CNTN4: variants seen among roughly 807,000 people sequenced by gnomAD.
The protein encoded by CNTN4 is contactin-4.
Under a neutral mutation model 122.5 loss-of-function variants are expected in CNTN4, and 77 were observed. That is an observed-to-expected ratio of 0.63 (90% confidence interval 0.52 to 0.76). The LOEUF (loss-of-function observed/expected upper bound fraction) is 0.76, where lower values mean the gene tolerates loss of function less well. Among genes scored for constraint, CNTN4 ranks in the 30% least tolerant of loss-of-function variants. The pLI, the probability that CNTN4 is intolerant of heterozygous loss-of-function variation, is 0.00. For missense variants in CNTN4, 1,256 were observed against 1,259.1 expected, an observed-to-expected ratio of 1.00 and a Z score of 0.04; for synonymous variants, 512 against 447.0, an observed-to-expected ratio of 1.15 and a Z score of -1.83.
At chr3:3,018,030 A>C (rs188092489) in intron 14 of CNTN4, among the ~76,000 whole-genome samples, 41 of 152,368 alleles carry the variant, frequency 2.7e-4, no homozygotes, top group Non-Finnish European at 1.0e-4. Context: ...GGAACAGAAC[A>C]AACTGGAAAC....
chr3:2,633,122 A>G (rs954495819), intron 4 of CNTN4, among the ~76,000 whole-genome samples: 3 of 152,138 alleles, frequency 2.0e-5, no homozygotes, highest in African/African-American at 7.2e-5. Context: ...CTATATTCCA[A>G]AGAATTATTT....
chr3:2,344,296 G>A (rs1353051044), intron 3 of CNTN4, among the ~76,000 whole-genome samples: 2 of 116,510 alleles, frequency 1.7e-5, no homozygotes, highest in African/African-American at 3.4e-5. Flanking sequence ...TTTTTTTTTA[G>A]ATGGCATCTA....
intron 3 of CNTN4, among the ~76,000 whole-genome samples, chr3:2,367,739 C>T (rs1313493324): frequency 6.6e-6 from 1 of 152,128 alleles, no homozygotes; most frequent in Non-Finnish European, 1.5e-5. Flanking sequence ...CCTGCCTGGG[C>T]CTCCCAAAGT....
At chr3:2,891,417 A>G (rs1243342724) in intron 10 of CNTN4, among the ~76,000 whole-genome samples, 1 of 152,196 alleles carries the variant, frequency 6.6e-6, no homozygotes, top group Non-Finnish European at 1.5e-5. Context: ...ACTGCACTCC[A>G]GCCTGGGCAA....
intron 4 of CNTN4, among the ~76,000 whole-genome samples, chr3:2,600,902 G>A (rs1460578972): frequency 2.6e-5 from 4 of 152,188 alleles, no homozygotes; most frequent in Non-Finnish European, 4.4e-5. Flanking sequence ...TCTAACTGGT[G>A]TGAGATGGTA....
chr3:2,641,517 C>G (rs1327036445), intron 4 of CNTN4, among the ~76,000 whole-genome samples: 1 of 152,142 alleles, frequency 6.6e-6, no homozygotes, highest in Non-Finnish European at 1.5e-5. Context: ...TGGAGAATGA[C>G]AAGTTCATCA....
At chr3:2,378,822 G>C (rs972197825) in intron 3 of CNTN4, among the ~76,000 whole-genome samples, 6 of 151,912 alleles carry the variant, frequency 3.9e-5, no homozygotes, top group Admixed American at 3.9e-4. Flanking sequence ...AGGAAGAGGA[G>C]AATTTGTGTT....
intron 23 of CNTN4, among the ~76,000 whole-genome samples, chr3:3,051,610 T>A (rs1283790674): frequency 1.3e-5 from 2 of 152,142 alleles, no homozygotes; most frequent in African/African-American, 4.8e-5. Flanking sequence ...TGCCTGAGGA[T>A]TTATCTGTGC....
chr3:2,607,399 CA>C (rs1306582386), intron 4 of CNTN4, among the ~76,000 whole-genome samples: 3 of 151,432 alleles, frequency 2.0e-5, no homozygotes, highest in Non-Finnish European at 4.4e-5. Flanking sequence ...ACTGTCCATA[CA>C]AAAAGGGAAT....
chr3:2,143,030 A>G (rs2035075085), intron 2 of CNTN4, among the ~76,000 whole-genome samples: 1 of 152,162 alleles, frequency 6.6e-6, no homozygotes, highest in Non-Finnish European at 1.5e-5. Context: ...TCATGCTTTG[A>G]GCCTTCATTA....
At chr3:2,909,095 C>T (rs1007427757) in intron 12 of CNTN4, among the ~76,000 whole-genome samples, 11 of 152,324 alleles carry the variant, frequency 7.2e-5, no homozygotes, top group African/African-American at 1.4e-4. Context: ...CACAAGTGCT[C>T]ATCTGCATCT....
chr3:3,012,508 G>T (rs926281024), intron 14 of CNTN4, among the ~76,000 whole-genome samples: 27 of 151,754 alleles, frequency 1.8e-4, no homozygotes, highest in Non-Finnish European at 2.9e-5. Flanking sequence ...GGAGTGCAAT[G>T]GCGTGATCTC....
At position 3,015,527 on chromosome 3, in the gene CNTN4, G is replaced by A. The variant is rs150735737; in HGVS notation, c.1487-10575G>A. 4.5e-3 allele frequency among the ~76,000 whole-genome samples: 685 copies of A among 152,280 alleles called. 4 individuals carry two copies. The highest frequency in any genetic ancestry group is 0.016 in the African/African-American group (650 of 41,552). ...CATCTCAAATCTATAAGCAAACAAA[G>A]AAGTACTGCTTTAGAATATGCGAAT... is the stretch of plus-strand genomic sequence containing the variant. On this transcript the variant is annotated intron_variant, in intron 14 of 24. Transcript: ENST00000418658.
chr3:2,317,100 C>T (rs2043129809), intron 2 of CNTN4, among the ~76,000 whole-genome samples: 1 of 152,224 alleles, frequency 6.6e-6, no homozygotes, highest in Admixed American at 6.5e-5. Context: ...ACTATCAATA[C>T]TACCTATTTT....
In CNTN4 at chr3:2,724,195, C is replaced by G. The variant is rs150466340; in HGVS notation, c.56-12020C>G. 1.7e-3 allele frequency among the ~76,000 whole-genome samples: 260 copies of G among 152,212 alleles called. 1 individual carries two copies. Among genetic ancestry groups the G allele is most frequent in the African/African-American group, 5.8e-3 (242 of 41,528 alleles). ...GTTGAATGATTATGGCTTTGTTTAT[C>G]CTTCTCTGACAGGACTTTCTAGTTT... is the stretch of plus-strand genomic sequence containing the variant. On this transcript the variant is annotated intron_variant, in intron 4 of 24. Transcript: ENST00000418658.
intron 13 of CNTN4, among the ~76,000 whole-genome samples, chr3:2,949,802 G>A (rs2094719202): frequency 6.6e-6 from 1 of 152,090 alleles, no homozygotes; most frequent in African/African-American, 2.4e-5. Flanking sequence ...ACAGACTTTG[G>A]TCTATTTTAG....
chr3:2,256,124 A>G (rs2040580440), intron 2 of CNTN4, among the ~76,000 whole-genome samples: 1 of 152,228 alleles, frequency 6.6e-6, no homozygotes, highest in Non-Finnish European at 1.5e-5. Flanking sequence ...CACTGATCCC[A>G]TAGAAATGCA....
chr3:2,387,035 G>A (rs936224372), intron 3 of CNTN4, among the ~76,000 whole-genome samples: 7 of 152,132 alleles, frequency 4.6e-5, no homozygotes, highest in African/African-American at 1.7e-4. Context: ...TTTTGAACTT[G>A]CTAACCATAA....
At chr3:2,674,891 A>G (rs368522045) in intron 4 of CNTN4, among the ~76,000 whole-genome samples, 9 of 152,068 alleles carry the variant, frequency 5.9e-5, no homozygotes, top group South Asian at 2.1e-4. Flanking sequence ...ACCTGCCCCT[A>G]TAGTTCCCAG....
Sources: gnomAD v4.1 joint callset for allele counts (sites outside exome capture counted in the v4.1 genomes callset) on GRCh38, gnomAD v4.1.1 for gene constraint, MANE v1.5 for transcripts, NCBI Gene and HGNC (gene_info 2026-07-23, HGNC 2026-07-21) for gene names.